Variants in MEFV observed in about 807,000 individuals in gnomAD.
The protein encoded by MEFV is MEFV innate immunity regulator, pyrin.
Under a neutral mutation model 62.5 loss-of-function variants are expected in MEFV, and 60 were observed. The ratio of observed to expected loss-of-function variants is 0.96; its 90% CI spans 0.78 to 1.19. MEFV has a LOEUF of 1.19. Among genes scored for constraint, MEFV ranks in the 50% most tolerant of loss-of-function variants. The pLI is 0.00. For synonymous variants in MEFV, 500 were observed against 415.2 expected (o/e 1.20, Z -2.48); for missense variants, 1,169 against 1,004.5 (o/e 1.16, Z -2.21).
At chr16:3,244,656 G>C (rs1158683107) in intron 6 of MEFV, 68 bp from the exon 7 acceptor site, 3 of 1,150,906 alleles carry the variant, frequency 2.6e-6, no homozygotes, top group African/African-American at 1.5e-5. Flanking sequence ...CCGTGAGCTG[G>C]AAATGAACTA....
chr16:3,244,381 G>T, intron 7 of MEFV, 92 bp downstream of exon 7: 1 of 1,603,556 alleles, frequency 6.2e-7, no homozygotes, highest in Non-Finnish European at 8.5e-7. Context: ...AGCAAGACCA[G>T]GGGAAGAGGA....
chr16:3,252,065 AAT>A (rs1430450754), intron 2 of MEFV: 9 of 321,682 alleles, frequency 2.8e-5, no homozygotes, highest in East Asian at 1.7e-4. Flanking sequence ...AAAAAAAAAA[AAT>A]TAAAAAAAAT....
rs104895085 is a variant in MEFV, at chr16:3,243,529, C to T, written c.1958G>A (p.Arg653His). The T allele has an allele frequency of 2.8e-5, 45 of 1,613,848 alleles. No individual in the cohort carries two copies. In the Middle Eastern group the frequency reaches 6.6e-4, roughly 24 times the overall value. ...LGSPSFLSGR[R>H]YWEVEVGDKT... ...GTCTCCAACCTCCACCTCCCAGTAA[C>T]GGCGGCCAGAGAGGAAACTCGGAGA... Residue 653 changes from arginine (R) to histidine (H), a missense_variant, in exon 10 of 10, where the codon CGT (arginine) becomes CAT (histidine). Transcript: ENST00000219596.
At chr16:3,243,766 G>A in intron 9 of MEFV, 72 bp from the exon 10 acceptor site, 1 of 1,609,620 alleles carries the variant, frequency 6.2e-7, no homozygotes, top group Non-Finnish European at 8.5e-7. Flanking sequence ...CCCACCTGCA[G>A]GAAACAGGGA....
intron 4 of MEFV, chr16:3,247,559 C>A: frequency 2.6e-6 from 1 of 385,370 alleles, no homozygotes; most frequent in Non-Finnish European, 4.8e-6. Flanking sequence ...GATAAGAGTT[C>A]TTGCAGATGT....
chr16:3,246,247 G>A lies in MEFV; in HGVS notation c.1610+278C>T, dbSNP rs539737600. Among the ~76,000 whole-genome samples, 21 of 152,264 alleles carry A rather than the reference G, an allele frequency of 1.4e-4. 1 individual carries two copies. The South Asian group carries it at 3.7e-3, about 27-fold the overall frequency. Reference sequence around the variant, plus strand: ...GAACTGCACGGGACACAATGCACTCGGAAGGTTTCTTAGGGAGCCTCCATC... The same window carrying A: ...GAACTGCACGGGACACAATGCACTCAGAAGGTTTCTTAGGGAGCCTCCATC... On this transcript the variant is annotated intron_variant, in intron 6 of 9. Transcript: ENST00000219596.
rs1478414642 is a variant in MEFV at position 3,243,884 on chromosome 16, G to C, written c.1768C>G (p.Leu590Val). 2 of 1,613,984 alleles carry C rather than the reference G, an allele frequency of 1.2e-6. No individual in the cohort carries two copies. The highest frequency in any genetic ancestry group is 1.7e-6 in the Non-Finnish European group (2 of 1,180,028). The change falls in exon 9 of 10, where the codon CTG becomes GTG. Residue 590 changes from leucine (L) to valine (V), a missense_variant. By Grantham distance (32) the Leu-to-Val change is conservative. Coordinates refer to ENST00000219596, the MANE Select transcript of MEFV (RefSeq NM_000243.3). The part of the protein sequence containing the change: ...SEMEMFNVPE[L>V]IGAQAHAVNV... ...CCAGCATGTGCCTGAGCGCCAATCA[G>C]CTCCGGAACTACGGAGAAAAATCAG...
At chr16:3,244,641 A>G in intron 6 of MEFV, 53 bp from the exon 7 acceptor site, 1 of 1,320,088 alleles carries the variant, frequency 7.6e-7, no homozygotes, top group Non-Finnish European at 1.1e-6. Flanking sequence ...GGGTGGCCCA[A>G]GTACCCGTGA....
intron 6 of MEFV, 157 bp downstream of exon 6, chr16:3,246,368 A>C (rs1958942669): frequency 1.2e-6 from 1 of 819,552 alleles, no homozygotes; most frequent in Non-Finnish European, 2.0e-6. Context: ...TCCCTATCAA[A>C]TCCAGAGAGG....
In MEFV at chr16:3,249,416, G is replaced by T. The variant is rs1428962714; in HGVS notation, c.1260+15C>A. ...GTGCCTGGCAGAGAAGAGCCCACAG[G>T]CAGGGAGTGCCTACCTTGTGTTCCA... On this transcript the variant is annotated intron_variant, in intron 3 of 9. Transcript: ENST00000219596. The T allele has an allele frequency of 6.2e-7, 1 of 1,608,944 alleles. No individual in the cohort carries two copies. Among genetic ancestry groups the T allele is most frequent in the Non-Finnish European group, 8.5e-7 (1 of 1,176,904 alleles).
chr16:3,249,272 T>C (rs1958993830), intron 3 of MEFV, among the ~76,000 whole-genome samples, 159 bp downstream of exon 3: 1 of 152,186 alleles, frequency 6.6e-6, no homozygotes, highest in South Asian at 2.1e-4. Context: ...AACCTGTAGC[T>C]CCCCTCTTTG....
Position 3,248,938 on chromosome 16 carries a change from A to T in MEFV, c.1327T>A (p.Tyr443Asn), listed in dbSNP as rs771606146. 2 of 1,614,150 alleles carry T rather than the reference A, an allele frequency of 1.2e-6. No homozygotes were observed. Among genetic ancestry groups the T allele is most frequent in the East Asian group, 4.5e-5 (2 of 44,890 alleles). Residue 443 changes from tyrosine (Y) to asparagine (N), a missense_variant, in exon 4 of 10, where the codon TAT (tyrosine) becomes AAT (asparagine). By Grantham distance (143) the Tyr-to-Asn change is moderately radical (BLOSUM62 -2). Transcript: ENST00000219596. ...LRKSGEEQRSYGEEKAVSFLK... is the reference protein window; with the variant it reads ...LRKSGEEQRSNGEEKAVSFLK... ...AAGCTCACTGCCTTCTCCTCCCCAT[A>T]GGATCGCTGCTCCTCCCCTGATTTT...
Position 3,256,507 on chromosome 16 carries a change from C to T in MEFV, c.81G>A (p.Lys27=). The T allele has an allele frequency of 6.2e-7, 1 of 1,614,192 alleles. No homozygotes were observed. The highest frequency in any genetic ancestry group is 1.3e-5 in the African/African-American group (1 of 75,040). Residue 27 remains lysine (K), a synonymous_variant, in exon 1 of 10, where the codon AAG becomes AAA. Coordinates refer to ENST00000219596, the MANE Select transcript of MEFV (RefSeq NM_000243.3). ...CCTTCTGCACACTGGTGTTCTGCAG[C>T]TTGAACTTGAACTTCTCGAAGTCAT... ...VPYDFEKFKF[K]LQNTSVQKEH... is the part of the protein sequence containing the mutation.
rs1475771972 is a variant in MEFV at position 3,256,498 on chromosome 16, G to A, written c.90C>T (p.Asn30=). ...DFEKFKFKLQ[N]TSVQKEHSRI... Reference sequence around the variant, plus strand: ...TGGAGTGCTCCTTCTGCACACTGGTGTTCTGCAGCTTGAACTTGAACTTCT... The same window carrying A: ...TGGAGTGCTCCTTCTGCACACTGGTATTCTGCAGCTTGAACTTGAACTTCT... Residue 30 remains asparagine, a synonymous_variant, in exon 1 of 10, where the codon AAC becomes AAT. Coordinates refer to ENST00000219596, the MANE Select transcript of MEFV (RefSeq NM_000243.3). The A allele has an allele frequency of 6.2e-7, 1 of 1,614,214 alleles. No homozygotes were observed. Among genetic ancestry groups the A allele is most frequent in the Non-Finnish European group, 8.5e-7 (1 of 1,180,042 alleles).
intron 2 of MEFV, among the ~76,000 whole-genome samples, chr16:3,250,024 C>T (rs1284857612): frequency 2.0e-5 from 3 of 152,166 alleles, no homozygotes; most frequent in Non-Finnish European, 4.4e-5. Flanking sequence ...GGGCATTTAT[C>T]CTAAAGAAAG....
intron 8 of MEFV, 143 bp downstream of exon 8, chr16:3,244,111 G>A (rs1341269331): frequency 4.9e-5 from 76 of 1,554,434 alleles, no homozygotes; most frequent in Non-Finnish European, 6.5e-5. Flanking sequence ...AGAGCCTGGG[G>A]GGCCTGCCAT....
intron 6 of MEFV, among the ~76,000 whole-genome samples, chr16:3,245,778 A>G (rs962936783): frequency 6.6e-6 from 1 of 152,172 alleles, no homozygotes; most frequent in Non-Finnish European, 1.5e-5. Context: ...TTCCTCAAAA[A>G]AAATTAAACA....
At chr16:3,246,399 AAGG>A (rs1228977144) in intron 6 of MEFV, 123 bp downstream of exon 6, 9 of 1,080,902 alleles carry the variant, frequency 8.3e-6, no homozygotes, top group East Asian at 2.5e-5. Flanking sequence ...CTGCAGAAAA[AAGG>A]AGGAGTCTGG....
intron 2 of MEFV, among the ~76,000 whole-genome samples, chr16:3,253,242 A>C (rs1268717091): frequency 6.6e-6 from 1 of 152,106 alleles, no homozygotes; most frequent in Non-Finnish European, 1.5e-5. Context: ...CATTGTTATA[A>C]GGCTAAAGGT....
Sources: gnomAD v4.1 joint callset for allele counts (sites outside exome capture counted in the v4.1 genomes callset) on GRCh38, gnomAD v4.1.1 for gene constraint, MANE v1.5 for transcripts, NCBI Gene and HGNC (gene_info 2026-07-23, HGNC 2026-07-21) for gene names.